STYX: variants seen among roughly 807,000 people sequenced by gnomAD.
The protein encoded by STYX is serine/threonine/tyrosine-interacting protein.
A neutral mutation model predicts 42.7 loss-of-function variants in STYX; 20 were observed. The ratio of observed to expected loss-of-function variants is 0.47; its 90% CI spans 0.33 to 0.68. STYX has a LOEUF of 0.68. STYX is among the 30% of genes least tolerant of loss of function. The pLI is 0.02. For synonymous variants in STYX, 78 were observed against 81.9 expected, an observed-to-expected ratio of 0.95 and a Z score of 0.26; for missense variants, 226 against 268.5, an observed-to-expected ratio of 0.84 and a Z score of 1.11.
chr14:52,758,278 T>G (rs1429509902), intron 8 of STYX, among the ~76,000 whole-genome samples: 1 of 152,208 alleles, frequency 6.6e-6, no homozygotes, highest in Non-Finnish European at 1.5e-5. Flanking sequence ...TAGGAATTGT[T>G]TGCAGCATCT....
At chr14:52,736,632 G>A (rs1484373659) in intron 1 of STYX, among the ~76,000 whole-genome samples, 2 of 152,082 alleles carry the variant, frequency 1.3e-5, no homozygotes, top group Non-Finnish European at 2.9e-5. Flanking sequence ...AACATACATG[G>A]CTGAGGATTC....
At chr14:52,759,375 C>T (rs1433928152) in intron 8 of STYX, among the ~76,000 whole-genome samples, 1 of 152,138 alleles carries the variant, frequency 6.6e-6, no homozygotes, top group Non-Finnish European at 1.5e-5. Context: ...CTGTGTTGGC[C>T]TCTCAAAGGA....
chr14:52,734,740 A>G (rs1010164012), intron 1 of STYX, among the ~76,000 whole-genome samples: 2 of 152,224 alleles, frequency 1.3e-5, no homozygotes, highest in Admixed American at 1.3e-4. Flanking sequence ...GTTGCAAGCA[A>G]CAAAAACGAA....
At chr14:52,771,006 T>C in intron 10 of STYX, 27 bp from the exon 11 acceptor site, 1 of 1,605,850 alleles carries the variant, frequency 6.2e-7, no homozygotes, top group Non-Finnish European at 8.5e-7. Flanking sequence ...TTTAGTGCCC[T>C]TTTAATCTTC....
chr14:52,730,363 G>C lies in STYX; in HGVS notation c.-112G>C. 6.4e-6 allele frequency: 7 copies of C among 1,097,044 alleles called. No individual in the cohort carries two copies. The highest frequency in any genetic ancestry group is 8.1e-6 in the Non-Finnish European group (6 of 738,876). 68.0% of individuals were successfully genotyped at this position (1,097,044 alleles called of 1,614,324 possible). The stretch of plus-strand genomic sequence containing the variant: ...TTAGTTGTAATCCCGCCGCCCTCCT[G>C]TCAGCCCTCCGCTCCGCCGGCCCTC... On this transcript the variant is annotated 5_prime_UTR_variant, in exon 1 of 11. Transcript: ENST00000354586.
chr14:52,758,465 A>G (rs1207839739), intron 8 of STYX, among the ~76,000 whole-genome samples: 2 of 152,210 alleles, frequency 1.3e-5, no homozygotes, highest in East Asian at 3.8e-4. Context: ...TAGAAATCTT[A>G]TAGTAATCAT....
rs1410632945 is a variant in STYX, at chr14:52,773,324, T to TATAC, written c.*2221_*2222insCATA. On this transcript the variant is annotated 3_prime_UTR_variant, in exon 11 of 11. Transcript: ENST00000354586. ...CTTGAGTACTCTGTGTGTATATATA[T>TATAC]ATATATAGATAGATAGATTTTTTTT... 1 of 121,108 alleles carries TATAC rather than the reference T, an allele frequency of 8.3e-6. No homozygotes were observed. The highest frequency in any genetic ancestry group is 1.8e-5 in the Non-Finnish European group (1 of 56,968). The allele number at this position is 121,108 out of a possible 1,614,324, so 7.5% of individuals were successfully genotyped here.
Position 52,763,954 on chromosome 14 carries a change from AG to A in STYX, c.504+4202del, listed in dbSNP as rs529455319. ...TATTTGGTACATAAAAATTCAAGTTAGGTTTTTATTTTAGTTGTACCCTGTT... is the reference window on the plus strand; with the variant it reads ...TATTTGGTACATAAAAATTCAAGTTAGTTTTTATTTTAGTTGTACCCTGTT... On this transcript the variant is annotated intron_variant, in intron 9 of 10. Coordinates refer to ENST00000354586, the MANE Select transcript of STYX (RefSeq NM_145251.4). Among the ~76,000 whole-genome samples, 16 of 152,002 alleles carry A rather than the reference AG, an allele frequency of 1.1e-4. No homozygotes were observed. In the East Asian group the frequency reaches 3.1e-3, roughly 29 times the overall value.
At chr14:52,739,484 T>A (rs1405460574) in intron 1 of STYX, among the ~76,000 whole-genome samples, 6 of 152,162 alleles carry the variant, frequency 3.9e-5, no homozygotes, top group Admixed American at 3.9e-4. Context: ...AAGAAAAAAG[T>A]CAATAACATT....
At chr14:52,763,342 C>G (rs1882173918) in intron 9 of STYX, among the ~76,000 whole-genome samples, 1 of 151,906 alleles carries the variant, frequency 6.6e-6, no homozygotes, top group African/African-American at 2.4e-5. Context: ...TTTTCTTCAT[C>G]TGGTTAGTCC....
Position 52,730,461 on chromosome 14 carries a change from C to A in STYX, c.-14C>A, listed in dbSNP as rs577711867. ...CACTCTCCCACCCCACCCACCAGCC[C>A]GCGGGCCAGCACCATGGAGGACGTG... On this transcript the variant is annotated 5_prime_UTR_variant, in exon 1 of 11. Transcript: ENST00000354586. 6.2e-7 allele frequency: 1 copy of A among 1,613,226 alleles called. No individual in the cohort carries two copies. The highest frequency in any genetic ancestry group is 2.2e-5 in the East Asian group (1 of 44,820).
chr14:52,739,466 CTT>C (rs1044149317), intron 1 of STYX, among the ~76,000 whole-genome samples: 57 of 152,024 alleles, frequency 3.7e-4, no homozygotes, highest in African/African-American at 1.3e-3. Context: ...ACTTGAGAAT[CTT>C]TTAAAAAGAA....
chr14:52,755,384 A>C (rs569696816), intron 4 of STYX, among the ~76,000 whole-genome samples: 1 of 152,166 alleles, frequency 6.6e-6, no homozygotes, highest in South Asian at 2.1e-4. Context: ...CGGCTTCCCC[A>C]AGTGCTGGGA....
chr14:52,748,645 G>A (rs960524651), intron 3 of STYX, among the ~76,000 whole-genome samples: 4 of 152,136 alleles, frequency 2.6e-5, no homozygotes, highest in Non-Finnish European at 5.9e-5. Flanking sequence ...AAATCTATTC[G>A]CTGTTACGTT....
At position 52,744,368 on chromosome 14, in the gene STYX, G is replaced by T. The variant is rs184282866; in HGVS notation, c.58-484G>T. ...TCTTTGATAAGCATTTGGCATTTTA[G>T]ATCAGAGATGGCAAGTACGTATGAC... On this transcript the variant is annotated intron_variant, in intron 1 of 10. Coordinates refer to ENST00000354586, the MANE Select transcript of STYX (RefSeq NM_145251.4). Among the ~76,000 whole-genome samples, 4 of 152,308 alleles carry T rather than the reference G, an allele frequency of 2.6e-5. No individual in the cohort carries two copies. In the East Asian group the frequency reaches 7.7e-4, roughly 29 times the overall value.
chr14:52,745,188 T>G (rs2139894490), intron 2 of STYX, among the ~76,000 whole-genome samples: 1 of 151,374 alleles, frequency 6.6e-6, no homozygotes, highest in East Asian at 2.0e-4. Flanking sequence ...TGGCACGATC[T>G]CGGCTCACCG....
At chr14:52,732,692 C>T (rs1265484374) in intron 1 of STYX, among the ~76,000 whole-genome samples, 1 of 151,764 alleles carries the variant, frequency 6.6e-6, no homozygotes, top group East Asian at 1.9e-4. Flanking sequence ...TTTTTTGAGA[C>T]GGAGTTTCAC....
intron 9 of STYX, among the ~76,000 whole-genome samples, chr14:52,762,413 G>T (rs1238370911): frequency 1.3e-5 from 2 of 152,124 alleles, no homozygotes; most frequent in African/African-American, 4.8e-5. Flanking sequence ...TTGAGTTACT[G>T]GATCACATTA....
chr14:52,767,106 G>T (rs1455974657), intron 9 of STYX, among the ~76,000 whole-genome samples: 2 of 152,100 alleles, frequency 1.3e-5, no homozygotes, highest in South Asian at 4.1e-4. Flanking sequence ...TTTTTAGAAG[G>T]GTGGTCAGAA....
Sources: gnomAD v4.1 joint callset for allele counts (sites outside exome capture counted in the v4.1 genomes callset) on GRCh38, gnomAD v4.1.1 for gene constraint, MANE v1.5 for transcripts, NCBI Gene and HGNC (gene_info 2026-07-23, HGNC 2026-07-21) for gene names.